The following RASGRF2 variants were observed in gnomAD, a reference collection of about 807,000 sequenced individuals.
The protein encoded by RASGRF2 is ras-specific guanine nucleotide-releasing factor 2.
RASGRF2 carries 76 observed loss-of-function variants against 151.0 expected under a neutral mutation model. The observed-to-expected ratio is 0.50, with a 90% confidence interval of 0.42 to 0.61. The LOEUF (loss-of-function observed/expected upper bound fraction) is 0.61. Among genes scored for constraint, RASGRF2 ranks in the 20% least tolerant of loss-of-function variants. The pLI is 0.00. For synonymous variants in RASGRF2, 504 were observed against 566.5 expected, an observed-to-expected ratio of 0.89 and a Z score of 1.57; for missense variants, 1,148 against 1,564.6, an observed-to-expected ratio of 0.73 and a Z score of 4.49.
intron 2 of RASGRF2, among the ~76,000 whole-genome samples, chr5:81,056,504 A>C (rs923968907): frequency 2.6e-5 from 4 of 152,138 alleles, no homozygotes; most frequent in Admixed American, 6.6e-5. Flanking sequence ...AGTTTGTTAT[A>C]ACTTCTGTTG....
rs753616149 is a variant in RASGRF2, at chr5:81,201,431, G to A, written c.2895G>A (p.Ala965=). 7 of 1,613,588 alleles carry A rather than the reference G, an allele frequency of 4.3e-6. No homozygotes were observed. Among genetic ancestry groups the A allele is most frequent in the East Asian group, 2.2e-5 (1 of 44,872 alleles). ...DLLPQERKAA[A]NILRALSQDD... ...TTCCCCAAGAAAGGAAAGCCGCCGC[G>A]AATATCCTCAGGTGAAGGCAGCTGA... The change falls in exon 19 of 27, where the codon GCG becomes GCA. Residue 965 remains alanine, a synonymous_variant. Coordinates refer to ENST00000265080, the MANE Select transcript of RASGRF2 (RefSeq NM_006909.3).
intron 17 of RASGRF2, 50 bp downstream of exon 17, chr5:81,127,213 C>G: frequency 6.5e-7 from 1 of 1,544,976 alleles, no homozygotes. Flanking sequence ...TATATTAAGT[C>G]AGTGGCCCGT....
At chr5:81,200,896 C>A (rs1020797773) in intron 18 of RASGRF2, among the ~76,000 whole-genome samples, 1 of 152,088 alleles carries the variant, frequency 6.6e-6, no homozygotes, top group Non-Finnish European at 1.5e-5. Flanking sequence ...TCTTGAGGAA[C>A]TGAAGGCATT....
intron 19 of RASGRF2, among the ~76,000 whole-genome samples, chr5:81,201,678 G>A (rs1390563273): frequency 6.6e-6 from 1 of 152,170 alleles, no homozygotes; most frequent in African/African-American, 2.4e-5. Context: ...ATTTATGGAG[G>A]CAGACAGCGG....
Position 81,207,344 on chromosome 5 carries a change from C to G in RASGRF2, c.3066C>G (p.Pro1022=). The G allele has an allele frequency of 6.2e-7, 1 of 1,613,592 alleles. No homozygotes were observed. Among genetic ancestry groups the G allele is most frequent in the Non-Finnish European group, 8.5e-7 (1 of 1,179,574 alleles). ...ACCATGTCATTTTCAGAAGCATTCC[C>G]TACGAGTGAGTGCCACCCCCCACAG... is the stretch of plus-strand genomic sequence containing the variant. ...LLDHVIFRSI[P]YEEFLGQGWM... Residue 1022 remains proline (P), a synonymous_variant, in exon 21 of 27, where the codon CCC becomes CCG. Transcript: ENST00000265080.
chr5:81,121,291 A>G (rs1753301480), intron 15 of RASGRF2, among the ~76,000 whole-genome samples: 1 of 152,230 alleles, frequency 6.6e-6, no homozygotes, highest in South Asian at 2.1e-4. Flanking sequence ...CGTGCCAAGA[A>G]CTTACACATT....
chr5:81,010,895 A>G (rs1749437733), intron 1 of RASGRF2, among the ~76,000 whole-genome samples: 1 of 152,112 alleles, frequency 6.6e-6, no homozygotes, highest in African/African-American at 2.4e-5. Context: ...CTCATTGTAT[A>G]TTTTTCTACT....
chr5:81,217,434 T>G lies in RASGRF2; in HGVS notation c.3513T>G (p.Phe1171Leu). The change falls in exon 25 of 27, where the codon TTT becomes TTG. Residue 1171 changes from phenylalanine to leucine, a missense_variant. Transcript: ENST00000265080. ...LAFIEEGTPN[F>L]TEEGLVNFSK... ...TTATTGAAGAAGGAACACCAAACTTTACTGAGGAAGGCCTTGTCAATTTCT... is the reference window on the plus strand; with the variant it reads ...TTATTGAAGAAGGAACACCAAACTTGACTGAGGAAGGCCTTGTCAATTTCT... The G allele has an allele frequency of 6.2e-7, 1 of 1,613,456 alleles. No individual in the cohort carries two copies. Among genetic ancestry groups the G allele is most frequent in the Non-Finnish European group, 8.5e-7 (1 of 1,179,826 alleles).
At chr5:81,066,337 G>A (rs777871592) in intron 2 of RASGRF2, among the ~76,000 whole-genome samples, 16 of 151,838 alleles carry the variant, frequency 1.1e-4, no homozygotes, top group Non-Finnish European at 2.1e-4. Context: ...CTAACAACAC[G>A]CACGATACAG....
At chr5:81,145,770 G>T (rs1438421312) in intron 17 of RASGRF2, among the ~76,000 whole-genome samples, 1 of 152,168 alleles carries the variant, frequency 6.6e-6, no homozygotes, top group Non-Finnish European at 1.5e-5. Flanking sequence ...GACTCCAGCC[G>T]CATGGCCCTG....
intron 1 of RASGRF2, among the ~76,000 whole-genome samples, chr5:81,035,678 G>C (rs1245623343): frequency 6.6e-6 from 1 of 151,976 alleles, no homozygotes; most frequent in Admixed American, 6.6e-5. Flanking sequence ...CAGCTGAATA[G>C]AGAATTGGTG....
chr5:81,026,685 G>C (rs1434488452), intron 1 of RASGRF2, among the ~76,000 whole-genome samples: 1 of 152,046 alleles, frequency 6.6e-6, no homozygotes, highest in Non-Finnish European at 1.5e-5. Flanking sequence ...GGAAATCCAG[G>C]TAAATTAACT....
intron 17 of RASGRF2, among the ~76,000 whole-genome samples, chr5:81,175,624 C>T (rs1195719153): frequency 2.6e-5 from 4 of 151,858 alleles, no homozygotes; most frequent in African/African-American, 9.7e-5. Flanking sequence ...GGCATGGTGG[C>T]GCCTGCCTGT....
intron 17 of RASGRF2, among the ~76,000 whole-genome samples, chr5:81,157,321 A>C (rs895296848): frequency 1.1e-4 from 16 of 150,416 alleles, no homozygotes; most frequent in African/African-American, 3.9e-4. Flanking sequence ...GCGCCACTGC[A>C]CTCCAGCCTG....
intron 13 of RASGRF2, among the ~76,000 whole-genome samples, chr5:81,111,079 C>T (rs532157144): frequency 5.3e-5 from 8 of 152,148 alleles, no homozygotes; most frequent in East Asian, 1.9e-4. Context: ...CCTTTTTATC[C>T]GAAAGAAAAT....
In RASGRF2 at chr5:81,199,321, C is replaced by A. The variant is rs74744063; in HGVS notation, c.2794-2009C>A. Among the ~76,000 whole-genome samples, 128 of 152,238 alleles carry A rather than the reference C, an allele frequency of 8.4e-4. 1 individual carries two copies. The highest frequency in any genetic ancestry group is 3.0e-3 in the African/African-American group (124 of 41,536). ...GGCCAATGCTTCTTCAAAATTAGAT[C>A]AATTTATGCATTTTAGGCAGAAATA... On this transcript the variant is annotated intron_variant, in intron 18 of 26. Transcript: ENST00000265080.
At chr5:81,034,806 G>GGGT (rs1255368783) in intron 1 of RASGRF2, among the ~76,000 whole-genome samples, 1 of 127,666 alleles carries the variant, frequency 7.8e-6, no homozygotes, top group Non-Finnish European at 1.7e-5. Flanking sequence ...TTGTGGGGTG[G>GGGT]GAGGGGGGTA....
At chr5:81,081,545 T>C (rs1002098705) in intron 7 of RASGRF2, among the ~76,000 whole-genome samples, 4 of 152,214 alleles carry the variant, frequency 2.6e-5, no homozygotes, top group African/African-American at 9.7e-5. Flanking sequence ...TTCTGTTCTT[T>C]TGGAAGAGCA....
At chr5:81,101,585 A>T (rs61629530) in intron 12 of RASGRF2, among the ~76,000 whole-genome samples, 5,355 of 152,094 alleles carry the variant, frequency 0.035, 290 homozygotes, top group African/African-American at 0.12. Flanking sequence ...AATGTATCAT[A>T]ATAAGATCGA....
Sources: allele counts gnomAD v4.1 joint callset (sites outside exome capture counted in the v4.1 genomes callset), GRCh38; gene constraint gnomAD v4.1.1; transcripts MANE v1.5; gene names NCBI Gene and HGNC (gene_info 2026-07-23, HGNC 2026-07-21).